The following NELL1 variants were observed in gnomAD, a reference collection of about 807,000 sequenced individuals.
NELL1 encodes neural EGFL like 1.
Under a neutral mutation model 107.4 loss-of-function variants are expected in NELL1, and 76 were observed. That is an observed-to-expected ratio of 0.71 (90% confidence interval 0.59 to 0.86). The LOEUF (loss-of-function observed/expected upper bound fraction) is 0.86, where lower values mean the gene tolerates loss of function less well. Ranked by LOEUF, NELL1 falls within the 40% of genes least tolerant of loss-of-function variation. NELL1 has a pLI of 0.00. For missense variants in NELL1, 1,024 were observed against 1,005.5 expected (o/e 1.02, Z -0.25); for synonymous variants, 353 against 341.2 (o/e 1.03, Z -0.38).
intron 12 of NELL1, among the ~76,000 whole-genome samples, chr11:21,091,497 T>G (rs550646669): frequency 5.6e-4 from 85 of 152,360 alleles, no homozygotes; most frequent in African/African-American, 2.0e-3. Context: ...CATTTTCAAC[T>G]AACAGACTAG....
At chr11:21,398,353 A>G (rs1247348712) in intron 15 of NELL1, among the ~76,000 whole-genome samples, 1 of 151,638 alleles carries the variant, frequency 6.6e-6, no homozygotes, top group South Asian at 2.1e-4. Context: ...TGTTCCTCCT[A>G]TTCTGGCAAT....
Position 20,902,645 on chromosome 11 carries a change from C to T in NELL1, c.604-15537C>T, listed in dbSNP as rs1035880580. Among the ~76,000 whole-genome samples, 4 of 151,880 alleles carry T rather than the reference C, an allele frequency of 2.6e-5. No individual in the cohort carries two copies. The East Asian group carries it at 7.8e-4, about 29-fold the overall frequency. On this transcript the variant is annotated intron_variant, in intron 5 of 19. Transcript: ENST00000357134. ...TTGAAGAAACTCTTGGTCATATACC[C>T]AGGTATATATGTATAAGCATCATCA...
At chr11:20,733,639 G>T (rs751298198) in intron 2 of NELL1, among the ~76,000 whole-genome samples, 16 of 152,158 alleles carry the variant, frequency 1.1e-4, no homozygotes, top group Non-Finnish European at 1.9e-4. Context: ...CCACTGTGCA[G>T]TCATTGAGGC....
intron 15 of NELL1, among the ~76,000 whole-genome samples, chr11:21,373,868 G>C (rs1183520606): frequency 6.6e-6 from 1 of 152,112 alleles, no homozygotes; most frequent in South Asian, 2.1e-4. Flanking sequence ...GCATGGAGAT[G>C]TGTAAAGAGA....
intron 12 of NELL1, among the ~76,000 whole-genome samples, chr11:21,094,411 T>A (rs972657819): frequency 6.6e-6 from 1 of 152,208 alleles, no homozygotes; most frequent in Non-Finnish European, 1.5e-5. Flanking sequence ...GTGGATCTAC[T>A]GTTCTGGGGT....
chr11:20,878,142 T>C lies in NELL1; in HGVS notation c.507-7302T>C, dbSNP rs370981936. On this transcript the variant is annotated intron_variant, in intron 4 of 19. Coordinates refer to ENST00000357134, the MANE Select transcript of NELL1 (RefSeq NM_006157.5). Reference sequence around the variant, plus strand: ...TTGGGAGGCTGAGGCGGGTGGATCATGAGGTCAGGAGATCGAGACCATCCT... The same window carrying C: ...TTGGGAGGCTGAGGCGGGTGGATCACGAGGTCAGGAGATCGAGACCATCCT... 8.5e-3 allele frequency among the ~76,000 whole-genome samples: 1,298 copies of C among 151,904 alleles called. 16 individuals carry two copies. Among genetic ancestry groups the C allele is most frequent in the African/African-American group, 0.03 (1,243 of 41,410 alleles).
At chr11:21,227,000 C>T (rs1857910538) in intron 13 of NELL1, among the ~76,000 whole-genome samples, 1 of 152,188 alleles carries the variant, frequency 6.6e-6, no homozygotes, top group South Asian at 2.1e-4. Flanking sequence ...AAAAGATTTA[C>T]TTCAAGAATA....
intron 13 of NELL1, among the ~76,000 whole-genome samples, chr11:21,203,165 C>G (rs946782922): frequency 6.6e-6 from 1 of 152,056 alleles, no homozygotes; most frequent in Admixed American, 6.6e-5. Context: ...AGTTCAAGTC[C>G]TGAATATCCT....
intron 15 of NELL1, among the ~76,000 whole-genome samples, chr11:21,411,828 T>C (rs940318954): frequency 2.0e-5 from 3 of 152,112 alleles, no homozygotes; most frequent in African/African-American, 4.8e-5. Context: ...TGAGGTTCAA[T>C]GAAGGTGTGA....
At chr11:21,312,795 T>C (rs1442082519) in intron 14 of NELL1, among the ~76,000 whole-genome samples, 1 of 152,176 alleles carries the variant, frequency 6.6e-6, no homozygotes, top group Non-Finnish European at 1.5e-5. Flanking sequence ...ATTTTATAGT[T>C]TATTAAAATA....
At chr11:21,541,809 C>G (rs1856299801) in intron 16 of NELL1, among the ~76,000 whole-genome samples, 1 of 152,050 alleles carries the variant, frequency 6.6e-6, no homozygotes, top group African/African-American at 2.4e-5. Context: ...TTTTTATATG[C>G]AAATTTCCTG....
chr11:20,755,041 C>T (rs578182062), intron 2 of NELL1, among the ~76,000 whole-genome samples: 69 of 152,324 alleles, frequency 4.5e-4, no homozygotes, highest in African/African-American at 1.6e-3. Flanking sequence ...TCCCCAACCC[C>T]AAGCCACATA....
At chr11:21,085,070 C>A (rs7106138) in intron 12 of NELL1, among the ~76,000 whole-genome samples, 6,090 of 152,182 alleles carry the variant, frequency 0.04, 268 homozygotes, top group South Asian at 0.12. Context: ...ATAACAATAT[C>A]TGGCACCTAA....
intron 3 of NELL1, among the ~76,000 whole-genome samples, chr11:20,840,404 C>A (rs998338646): frequency 6.6e-6 from 1 of 152,152 alleles, no homozygotes; most frequent in Non-Finnish European, 1.5e-5. Context: ...TTGGACAGAG[C>A]CCAGAAAAGA....
intron 14 of NELL1, among the ~76,000 whole-genome samples, chr11:21,238,026 A>G (rs1858254265): frequency 6.6e-6 from 1 of 152,062 alleles, no homozygotes; most frequent in Non-Finnish European, 1.5e-5. Flanking sequence ...TGAAATGTCC[A>G]CTTGGATCCC....
At chr11:20,792,476 A>G (rs990512381) in intron 3 of NELL1, among the ~76,000 whole-genome samples, 6 of 147,358 alleles carry the variant, frequency 4.1e-5, no homozygotes, top group African/African-American at 1.3e-4. Context: ...ACTTTCTAAT[A>G]TCTATCACTG....
At chr11:21,383,437 T>C (rs1851659193) in intron 15 of NELL1, among the ~76,000 whole-genome samples, 2 of 151,824 alleles carry the variant, frequency 1.3e-5, no homozygotes, top group African/African-American at 2.4e-5. Flanking sequence ...CTTCAGGACC[T>C]CCTCAGTGCT....
intron 13 of NELL1, among the ~76,000 whole-genome samples, chr11:21,222,864 CTTGGTA>C (rs71063693): frequency 0.47 from 71,007 of 151,660 alleles, 16,905 homozygotes; most frequent in Middle Eastern, 0.52. Flanking sequence ...CAAAGTTCCT[CTTGGTA>C]TTGATTTCTA....
chr11:21,547,289 G>C (rs1022804628), intron 16 of NELL1, among the ~76,000 whole-genome samples: 1 of 151,908 alleles, frequency 6.6e-6, no homozygotes, highest in Non-Finnish European at 1.5e-5. Flanking sequence ...ACAGCAGCCT[G>C]ATTATAGATG....
Sources: allele counts gnomAD v4.1 joint callset (sites outside exome capture counted in the v4.1 genomes callset), GRCh38; gene constraint gnomAD v4.1.1; transcripts MANE v1.5; gene names NCBI Gene and HGNC (gene_info 2026-07-23, HGNC 2026-07-21).